The following EPB41L5 variants were observed in gnomAD, a reference collection of about 807,000 sequenced individuals.
EPB41L5 encodes the protein band 4.1-like protein 5.
In EPB41L5, 55 loss-of-function variants were observed where a neutral mutation model predicts 106.6. The observed-to-expected ratio is 0.52, with a 90% CI of 0.42 to 0.65. The LOEUF is 0.65. Among genes scored for constraint, EPB41L5 ranks in the 30% least tolerant of loss-of-function variants. The pLI, the probability that EPB41L5 is intolerant of heterozygous loss-of-function variation, is 0.00. For synonymous variants in EPB41L5, 297 were observed against 306.7 expected (o/e 0.97, Z 0.33); for missense variants, 871 against 882.1 (o/e 0.99, Z 0.16).
intron 22 of EPB41L5, among the ~76,000 whole-genome samples, chr2:120,166,278 G>A (rs755986643): frequency 5.3e-5 from 8 of 152,260 alleles, no homozygotes; most frequent in Middle Eastern, 3.4e-3. Flanking sequence ...GGAACCACCC[G>A]TTGGGAATGA....
chr2:120,153,358 T>G (rs1004819118), intron 20 of EPB41L5, among the ~76,000 whole-genome samples: 1 of 152,180 alleles, frequency 6.6e-6, no homozygotes, highest in Admixed American at 6.5e-5. Context: ...TGGTATGACT[T>G]TAGTCTCTTT....
intron 24 of EPB41L5, among the ~76,000 whole-genome samples, chr2:120,169,899 C>CA (rs1434215263): frequency 6.6e-5 from 10 of 152,156 alleles, no homozygotes; most frequent in African/African-American, 2.4e-4. Context: ...ATGAAAGACA[C>CA]ATAGTACCAA....
At position 120,167,886 on chromosome 2, in the gene EPB41L5, G is replaced by A. The variant is rs1687486623; in HGVS notation, c.2014G>A (p.Ala672Thr). ...TGTGTATCTCCCACAGCAGAGTGGTGCCATGTCTAATGGACTTGCGGGATG... is the reference window on the plus strand; with the variant it reads ...TGTGTATCTCCCACAGCAGAGTGGTACCATGTCTAATGGACTTGCGGGATG... ...TPRWIVPQSG[A>T]MSNGLAGCEM... The change falls in exon 24 of 25, where the codon GCC becomes ACC. Residue 672 changes from alanine to threonine, a missense_variant. Transcript: ENST00000263713. The A allele has an allele frequency of 1.2e-6, 2 of 1,614,004 alleles. No homozygotes were observed. The highest frequency in any genetic ancestry group is 1.3e-5 in the African/African-American group (1 of 74,920).
intron 24 of EPB41L5, 40 bp from the exon 25 acceptor site, chr2:120,174,801 C>T: frequency 6.3e-7 from 1 of 1,582,574 alleles, no homozygotes; most frequent in Non-Finnish European, 8.7e-7. Context: ...CCTCCAAACC[C>T]CAGGGGTTCC....
At chr2:120,103,328 A>G (rs531718983) in intron 16 of EPB41L5, among the ~76,000 whole-genome samples, 1 of 152,320 alleles carries the variant, frequency 6.6e-6, no homozygotes, top group East Asian at 1.9e-4. Context: ...CACTCTTAGA[A>G]TTCTATAGGC....
At chr2:120,044,366 C>T (rs1679628312) in intron 3 of EPB41L5, among the ~76,000 whole-genome samples, 1 of 152,082 alleles carries the variant, frequency 6.6e-6, no homozygotes, top group South Asian at 2.1e-4. Flanking sequence ...GCACACAAAA[C>T]ATTTGTTGAA....
intron 1 of EPB41L5, among the ~76,000 whole-genome samples, chr2:120,018,451 G>A (rs1677693818): frequency 1.3e-5 from 2 of 152,120 alleles, no homozygotes; most frequent in African/African-American, 4.8e-5. Context: ...GCTCCAAACT[G>A]TGGCTGTGTC....
chr2:120,081,360 T>C (rs961846720), intron 10 of EPB41L5, among the ~76,000 whole-genome samples: 19 of 152,238 alleles, frequency 1.2e-4, no homozygotes, highest in Admixed American at 4.6e-4. Context: ...ATTTATTAAA[T>C]AGGGAATCCT....
rs568207654 is a variant in EPB41L5 at position 120,175,039 on chromosome 2, C to T, written c.*132C>T. 5.1e-4 allele frequency: 438 copies of T among 857,866 alleles called. 1 individual carries two copies. Among genetic ancestry groups the T allele is most frequent in the Non-Finnish European group, 7.8e-4 (400 of 510,106 alleles). 53.1% of individuals were successfully genotyped at this position (857,866 alleles called of 1,614,324 possible). A position where few individuals can be genotyped will look rare whatever the true frequency, so the allele number is the denominator to read the frequency against. On this transcript the variant is annotated 3_prime_UTR_variant, in exon 25 of 25. Transcript: ENST00000263713. ...GCTGCACGTAGATTTGACTTCAACT[C>T]CGTAAAAAAGACAGCTGTATTTTCC...
chr2:120,036,822 T>C, intron 2 of EPB41L5, among the ~76,000 whole-genome samples: 1 of 152,074 alleles, frequency 6.6e-6, no homozygotes, highest in Non-Finnish European at 1.5e-5. Flanking sequence ...TTAGAATTCT[T>C]TCCATAAGAG....
At chr2:120,174,459 C>T (rs998821944) in intron 24 of EPB41L5, among the ~76,000 whole-genome samples, 4 of 107,010 alleles carry the variant, frequency 3.7e-5, no homozygotes, top group Admixed American at 1.1e-4. Context: ...AGCAAGACCC[C>T]GTCTCACAGA....
chr2:120,077,635 C>T (rs943401496), intron 9 of EPB41L5, among the ~76,000 whole-genome samples: 2 of 151,996 alleles, frequency 1.3e-5, no homozygotes, highest in African/African-American at 2.4e-5. Flanking sequence ...CTTTTTACTT[C>T]CTGTTATACG....
intron 20 of EPB41L5, among the ~76,000 whole-genome samples, chr2:120,160,222 A>G (rs921567610): frequency 1.3e-5 from 2 of 152,212 alleles, no homozygotes; most frequent in Admixed American, 6.5e-5. Context: ...TTAAAAAAAA[A>G]TTATACTTTT....
At chr2:120,019,310 C>CTTTG (rs528657868) in intron 2 of EPB41L5, 46 bp downstream of exon 2, 23 of 1,550,862 alleles carry the variant, frequency 1.5e-5, no homozygotes, top group East Asian at 2.3e-5. Flanking sequence ...CGATTACTGT[C>CTTTG]TTTGTTTGTT....
intron 1 of EPB41L5, among the ~76,000 whole-genome samples, chr2:120,014,476 G>A (rs1374853359): frequency 6.6e-6 from 1 of 152,096 alleles, no homozygotes; most frequent in African/African-American, 2.4e-5. Flanking sequence ...TGTGAGTGGG[G>A]GAAGTAGTCA....
At chr2:120,065,415 C>T (rs1323448317) in intron 3 of EPB41L5, among the ~76,000 whole-genome samples, 1 of 151,640 alleles carries the variant, frequency 6.6e-6, no homozygotes, top group Non-Finnish European at 1.5e-5. Flanking sequence ...GCTACTGTGA[C>T]AAGTTAGACT....
At chr2:120,095,532 G>T (rs1683691771) in intron 14 of EPB41L5, among the ~76,000 whole-genome samples, 3 of 148,566 alleles carry the variant, frequency 2.0e-5, no homozygotes, top group Non-Finnish European at 1.5e-5. Context: ...AATCTCACTT[G>T]ACCTGTCCTC....
At chr2:120,103,952 C>A in intron 16 of EPB41L5, 1 of 1,225,312 alleles carries the variant, frequency 8.2e-7, no homozygotes, top group Non-Finnish European at 1.1e-6. Context: ...CTCATAGCAG[C>A]AGTGCATGCT....
At chr2:120,070,968 G>T (rs889401754) in intron 3 of EPB41L5, among the ~76,000 whole-genome samples, 1 of 152,142 alleles carries the variant, frequency 6.6e-6, no homozygotes, top group South Asian at 2.1e-4. Context: ...ATTCAGCATA[G>T]TATTGGAAGT....
Sources: gnomAD v4.1 joint callset for allele counts (sites outside exome capture counted in the v4.1 genomes callset) on GRCh38, gnomAD v4.1.1 for gene constraint, MANE v1.5 for transcripts, NCBI Gene and HGNC (gene_info 2026-07-23, HGNC 2026-07-21) for gene names.